RPS6KA2: variants seen among roughly 807,000 people sequenced by gnomAD.
RPS6KA2 encodes ribosomal protein S6 kinase alpha-2.
A neutral mutation model predicts 91.8 loss-of-function variants in RPS6KA2; 42 were observed. That is an observed-to-expected ratio of 0.46 (90% confidence interval 0.36 to 0.59). The LOEUF (loss-of-function observed/expected upper bound fraction) is 0.59. Among genes scored for constraint, RPS6KA2 ranks in the 20% least tolerant of loss-of-function variants. RPS6KA2 has a pLI of 0.00. For missense variants in RPS6KA2, 798 were observed against 978.5 expected, an observed-to-expected ratio of 0.82 and a Z score of 2.46; for synonymous variants, 414 against 393.6, an observed-to-expected ratio of 1.05 and a Z score of -0.61.
At chr6:166,742,453 C>G (rs1790843125) in intron 2 of RPS6KA2, among the ~76,000 whole-genome samples, 1 of 152,202 alleles carries the variant, frequency 6.6e-6, no homozygotes, top group African/African-American at 2.4e-5. Flanking sequence ...GGAGAAAATG[C>G]ATTTGCGTGG....
chr6:166,700,778 G>A (rs1299776964), intron 2 of RPS6KA2, among the ~76,000 whole-genome samples: 1 of 152,042 alleles, frequency 6.6e-6, no homozygotes, highest in African/African-American at 2.4e-5. Flanking sequence ...GCATTATGGG[G>A]GAATATTAAG....
At chr6:166,667,841 G>A (rs1457862324) in intron 2 of RPS6KA2, among the ~76,000 whole-genome samples, 3 of 152,204 alleles carry the variant, frequency 2.0e-5, no homozygotes, top group Non-Finnish European at 4.4e-5. Context: ...AGCCCTTGGT[G>A]TCATAAGGAA....
intron 1 of RPS6KA2, among the ~76,000 whole-genome samples, chr6:166,559,134 A>G (rs1469718937): frequency 6.6e-6 from 1 of 152,144 alleles, no homozygotes; most frequent in African/African-American, 2.4e-5. Flanking sequence ...AATATGACAC[A>G]CCGGAACTAC....
At chr6:166,862,631 A>G (rs1444051670), upstream of RPS6KA2, 2 of 176,284 alleles carry the variant, frequency 1.1e-5, no homozygotes, top group Admixed American at 1.1e-4. Context: ...AATTGGCTCT[A>G]AACGAGGGTG....
chr6:166,430,702 G>A, intron 15 of RPS6KA2, 91 bp from the exon 16 acceptor site: 1 of 1,379,444 alleles, frequency 7.2e-7, no homozygotes, highest in South Asian at 1.4e-5. Context: ...GGAAGTCAGA[G>A]GGGAGAGGCT....
intron 3 of RPS6KA2, among the ~76,000 whole-genome samples, chr6:166,516,674 G>A (rs1329133398): frequency 6.6e-6 from 1 of 152,216 alleles, no homozygotes; most frequent in Non-Finnish European, 1.5e-5. Flanking sequence ...AGATGCATGT[G>A]GCCAGGCTTC....
At chr6:166,693,859 C>T (rs1789284548) in intron 2 of RPS6KA2, among the ~76,000 whole-genome samples, 1 of 152,148 alleles carries the variant, frequency 6.6e-6, no homozygotes, top group African/African-American at 2.4e-5. Context: ...TTAGACACAC[C>T]CCTTAGGCAC....
chr6:166,632,942 C>T (rs367792464), intron 2 of RPS6KA2, among the ~76,000 whole-genome samples: 1 of 151,896 alleles, frequency 6.6e-6, no homozygotes, highest in East Asian at 2.0e-4. Flanking sequence ...GGGCCGGGCG[C>T]AGGGGCTCAT....
At position 166,670,267 on chromosome 6, in the gene RPS6KA2, G is replaced by A. The variant is rs186808853; in HGVS notation, c.124-131483C>T. Among the ~76,000 whole-genome samples the A allele has an allele frequency of 8.8e-4, 134 of 152,342 alleles. 2 individuals carry two copies. Among genetic ancestry groups the A allele is most frequent in the Middle Eastern group, 6.8e-3 (2 of 294 alleles). ...GGCAGCCTGGTGAGAGGTCCATGTG[G>A]TGAGGCTGTAAGCCCTGCAACACGC... On this transcript the variant is annotated intron_variant, in intron 2 of 21. Transcript: ENST00000503859.
At chr6:166,627,274 G>A (rs1786927023), upstream of RPS6KA2, 1 of 991,160 alleles carries the variant, frequency 1.0e-6, no homozygotes. Context: ...CACGCGCCAC[G>A]CCTACACCAC....
intron 2 of RPS6KA2, among the ~76,000 whole-genome samples, chr6:166,667,724 T>C (rs1788354296): frequency 1.3e-5 from 2 of 152,200 alleles, no homozygotes; most frequent in African/African-American, 4.8e-5. Flanking sequence ...CGGGATAAAC[T>C]GGGTAGAATC....
intron 1 of RPS6KA2, among the ~76,000 whole-genome samples, chr6:166,591,293 G>C (rs1165689713): frequency 1.3e-5 from 2 of 152,204 alleles, no homozygotes; most frequent in Admixed American, 6.5e-5. Context: ...TGCCTTCTGG[G>C]ATGAGCAGAA....
At chr6:166,575,543 G>C (rs990061473) in intron 1 of RPS6KA2, among the ~76,000 whole-genome samples, 1 of 152,168 alleles carries the variant, frequency 6.6e-6, no homozygotes, top group Non-Finnish European at 1.5e-5. Context: ...GTTTGGTGTT[G>C]CTTTTTGTTT....
chr6:166,683,989 A>G (rs1788923817), intron 2 of RPS6KA2, among the ~76,000 whole-genome samples: 1 of 152,208 alleles, frequency 6.6e-6, no homozygotes, highest in African/African-American at 2.4e-5. Flanking sequence ...GCAGGAGTTC[A>G]TCTTGGACCC....
At chr6:166,489,822 G>C (rs1193154457) in intron 9 of RPS6KA2, among the ~76,000 whole-genome samples, 1 of 152,084 alleles carries the variant, frequency 6.6e-6, no homozygotes, top group Admixed American at 6.6e-5. Flanking sequence ...AGCTGAGCTG[G>C]TGGTGTTTTA....
Position 166,501,025 on chromosome 6 carries a change from C to T in RPS6KA2, c.567-101G>A, listed in dbSNP as rs368568437. ...GAGCTGCGGGGCAGCTGGGGGCGGA[C>T]GTTTTCAGGGAGCCCTGATGGAGCT... is the stretch of plus-strand genomic sequence containing the variant. On this transcript the variant is annotated intron_variant, in intron 6 of 20. Coordinates refer to ENST00000265678, the MANE Select transcript of RPS6KA2 (RefSeq NM_021135.6). 8.5e-5 allele frequency: 92 copies of T among 1,084,756 alleles called. No individual in the cohort carries two copies. In the African/African-American group the frequency reaches 1.1e-3, roughly 13 times the overall value. 67.2% of individuals were successfully genotyped at this position (1,084,756 alleles called of 1,614,324 possible). A position where few individuals can be genotyped will look rare whatever the true frequency, so the allele number is the denominator to read the frequency against.
At chr6:166,565,430 G>A (rs1784470770) in intron 1 of RPS6KA2, among the ~76,000 whole-genome samples, 1 of 152,244 alleles carries the variant, frequency 6.6e-6, no homozygotes, top group Admixed American at 6.5e-5. Context: ...GGATGCAGGG[G>A]TCCGCCCTCC....
intron 2 of RPS6KA2, among the ~76,000 whole-genome samples, chr6:166,808,562 C>T (rs1457144122): frequency 6.6e-6 from 1 of 152,170 alleles, no homozygotes; most frequent in Non-Finnish European, 1.5e-5. Flanking sequence ...TAAATCTGTG[C>T]TGAATAAATG....
chr6:166,816,432 G>C (rs1779766926), intron 2 of RPS6KA2, among the ~76,000 whole-genome samples: 1 of 148,930 alleles, frequency 6.7e-6, no homozygotes. Context: ...GCACACACCT[G>C]TGATCCCAGC....
Sources: allele counts gnomAD v4.1 joint callset (sites outside exome capture counted in the v4.1 genomes callset), GRCh38; gene constraint gnomAD v4.1.1; transcripts MANE v1.5; gene names NCBI Gene and HGNC (gene_info 2026-07-23, HGNC 2026-07-21).